Variants in NSG1 observed in about 807,000 individuals in gnomAD.
NSG1 encodes the protein neuronal vesicle trafficking associated 1.
In NSG1, 9 loss-of-function variants were observed where a neutral mutation model predicts 19.3. That is an observed-to-expected ratio of 0.47 (90% confidence interval 0.28 to 0.81). The LOEUF is 0.81. Ranked by LOEUF, NSG1 falls within the 40% of genes least tolerant of loss-of-function variation. NSG1 has a pLI of 0.11. For missense variants in NSG1, 236 were observed against 242.4 expected, an observed-to-expected ratio of 0.97 and a Z score of 0.18; for synonymous variants, 104 against 107.0, an observed-to-expected ratio of 0.97 and a Z score of 0.17.
At chr4:4,402,146 C>T (rs1387337427) in intron 3 of NSG1, among the ~76,000 whole-genome samples, 1 of 151,020 alleles carries the variant, frequency 6.6e-6, no homozygotes, top group Non-Finnish European at 1.5e-5. Flanking sequence ...GCTTCGGCCT[C>T]CCAAAGTGCT....
At chr4:4,397,996 C>T (rs761838333) in intron 3 of NSG1, among the ~76,000 whole-genome samples, 1 of 152,110 alleles carries the variant, frequency 6.6e-6, no homozygotes, top group Non-Finnish European at 1.5e-5. Context: ...CTGTGTCACC[C>T]AGGCTGGAGT....
chr4:4,403,234 C>A (rs1305116084), intron 3 of NSG1, among the ~76,000 whole-genome samples: 1 of 152,196 alleles, frequency 6.6e-6, no homozygotes, highest in Non-Finnish European at 1.5e-5. Context: ...AAATTACCAC[C>A]CATGCCATGG....
chr4:4,413,417 C>T (rs562786706), intron 4 of NSG1, among the ~76,000 whole-genome samples: 51 of 151,538 alleles, frequency 3.4e-4, no homozygotes, highest in African/African-American at 1.2e-3. Flanking sequence ...GCCCCGTCCA[C>T]GCCCTAGGCT....
At chr4:4,400,326 G>A (rs180824436) in intron 3 of NSG1, among the ~76,000 whole-genome samples, 4 of 152,214 alleles carry the variant, frequency 2.6e-5, no homozygotes, top group Admixed American at 6.5e-5. Context: ...TATATATCTC[G>A]TCTTATGCTA....
intron 2 of NSG1, among the ~76,000 whole-genome samples, 157 bp downstream of exon 2, chr4:4,387,915 G>T (rs1362330962): frequency 1.3e-5 from 2 of 152,230 alleles, no homozygotes; most frequent in African/African-American, 4.8e-5. Context: ...GTACCCGCGC[G>T]GGATTCTGGA....
intron 4 of NSG1, among the ~76,000 whole-genome samples, chr4:4,415,071 T>A (rs1724446814): frequency 6.6e-6 from 1 of 152,114 alleles, no homozygotes; most frequent in South Asian, 2.1e-4. Flanking sequence ...TATTGGCCAT[T>A]CTTTTTTTTC....
intron 4 of NSG1, among the ~76,000 whole-genome samples, chr4:4,412,423 T>A (rs932882482): frequency 6.0e-5 from 9 of 151,204 alleles, no homozygotes; most frequent in Non-Finnish European, 1.3e-4. Flanking sequence ...GAATTGAGAG[T>A]CCCCTGATAA....
At chr4:4,394,356 C>T (rs1429887512) in intron 3 of NSG1, among the ~76,000 whole-genome samples, 1 of 152,204 alleles carries the variant, frequency 6.6e-6, no homozygotes, top group Admixed American at 6.5e-5. Context: ...CACAGGTACC[C>T]CGGAAGCCTC....
rs538259777 is a variant in NSG1 at position 4,387,708 on chromosome 4, C to T, written c.79C>T (p.Leu27=). Residue 27 remains leucine (L), a synonymous_variant, in exon 2 of 5, where the codon CTG becomes TTG. Transcript: ENST00000621129. ...GGAGGATGGCTTCGACACCATTCCC[C>T]TGATGACGCCCCTCGATGTCAATCA... ...LLEDGFDTIP[L]MTPLDVNQLQ... The T allele has an allele frequency of 1.3e-5, 21 of 1,613,524 alleles. No individual in the cohort carries two copies. In the Middle Eastern group the frequency reaches 5.0e-4, roughly 38 times the overall value.
At chr4:4,388,592 C>G (rs1274848611) in intron 2 of NSG1, among the ~76,000 whole-genome samples, 4 of 152,242 alleles carry the variant, frequency 2.6e-5, no homozygotes, top group Admixed American at 1.3e-4. Context: ...CTCTCAGCAT[C>G]TTGCTGCCGC....
intron 4 of NSG1, chr4:4,416,059 A>T: frequency 1.4e-6 from 1 of 701,988 alleles, no homozygotes; most frequent in Non-Finnish European, 2.6e-6. Context: ...CCACACTGTG[A>T]CCTGGGGCAC....
chr4:4,415,242 T>C (rs1435239554), intron 4 of NSG1, among the ~76,000 whole-genome samples: 1 of 152,100 alleles, frequency 6.6e-6, no homozygotes, highest in African/African-American at 2.4e-5. Context: ...GCTGACTGAG[T>C]GCTGGGTGCT....
chr4:4,400,014 C>T (rs185066321), intron 3 of NSG1, among the ~76,000 whole-genome samples: 1 of 152,288 alleles, frequency 6.6e-6, no homozygotes, highest in East Asian at 1.9e-4. Context: ...TGGTCTGCAG[C>T]CCAGGGGTTC....
rs1724760680 is a variant in NSG1, at chr4:4,419,010, C to T, written c.*1575C>T. The T allele has an allele frequency of 6.6e-6, 1 of 152,248 alleles. No homozygotes were observed. The highest frequency in any genetic ancestry group is 6.5e-5 in the Admixed American group (1 of 15,288). The allele number at this position is 152,248 out of a possible 1,614,324, so 9.4% of individuals were successfully genotyped here. On this transcript the variant is annotated 3_prime_UTR_variant, in exon 5 of 5. Transcript: ENST00000621129. ...ACTTTATTGACTGTGAATTCATTTA[C>T]ATGTAACTTCTGACATTTCACTCTG...
chr4:4,417,273 C>A lies in NSG1; in HGVS notation c.396C>A (p.Tyr132Ter), dbSNP rs377273535. 68 of 1,614,034 alleles carry A rather than the reference C, an allele frequency of 4.2e-5. No individual in the cohort carries two copies. Among genetic ancestry groups the A allele is most frequent in the Non-Finnish European group, 5.2e-5 (61 of 1,180,030 alleles). The change falls in exon 5 of 5, where the codon TAC becomes TAA. Residue 132 changes from tyrosine to a stop codon, truncating the protein, a stop_gained. Transcript: ENST00000621129. LOFTEE classifies it high-confidence loss of function. ...TCCCAGAAGGCTTGGAGAGCTACTACGCGGAGCAAGACTCCAGTGCCCGGG... is the reference window on the plus strand; with the variant it reads ...TCCCAGAAGGCTTGGAGAGCTACTAAGCGGAGCAAGACTCCAGTGCCCGGG... ...QCIPEGLESY[Y>*]AEQDSSAREK...
rs1560145735 is a variant in NSG1, at chr4:4,407,674, C to T, written c.247-1899C>T. On this transcript the variant is annotated intron_variant, in intron 3 of 4. Coordinates refer to ENST00000621129, the MANE Select transcript of NSG1 (RefSeq NM_014392.5). ...TGTGAGGCCTGGAGATGAAGACCTC[C>T]GGGAAGTGGAGGCAGGGGATGAGCT... Among the ~76,000 whole-genome samples, 6 of 152,182 alleles carry T rather than the reference C, an allele frequency of 3.9e-5. 1 individual carries two copies. The South Asian group carries it at 8.3e-4, about 21-fold the overall frequency.
At chr4:4,406,586 T>C (rs1723869602) in intron 3 of NSG1, among the ~76,000 whole-genome samples, 1 of 152,140 alleles carries the variant, frequency 6.6e-6, no homozygotes, top group African/African-American at 2.4e-5. Flanking sequence ...GAGCCCGCTC[T>C]GCTGTCTGCC....
chr4:4,404,154 C>T (rs9990565), intron 3 of NSG1, among the ~76,000 whole-genome samples: 22,612 of 152,238 alleles, frequency 0.15, 1,742 homozygotes, highest in African/African-American at 0.16. Context: ...TAGCCAACAC[C>T]GGCCTCTTAG....
At chr4:4,410,029 G>A (rs1724088033) in intron 4 of NSG1, among the ~76,000 whole-genome samples, 1 of 152,248 alleles carries the variant, frequency 6.6e-6, no homozygotes, top group African/African-American at 2.4e-5. Context: ...TTGCTCTGGG[G>A]GAGGGAGGGA....
Sources: allele counts gnomAD v4.1 joint callset (sites outside exome capture counted in the v4.1 genomes callset), GRCh38; gene constraint gnomAD v4.1.1; transcripts MANE v1.5; gene names NCBI Gene and HGNC (gene_info 2026-07-23, HGNC 2026-07-21).